Variants in CALN1 observed in about 807,000 individuals in gnomAD.
CALN1 encodes calneuron 1.
In CALN1, 17 loss-of-function variants were observed where a neutral mutation model predicts 30.6. That is an observed-to-expected ratio of 0.56 (90% CI 0.38 to 0.83). The LOEUF (loss-of-function observed/expected upper bound fraction) is 0.83, where lower values mean the gene tolerates loss of function less well. CALN1 is among the 40% of genes least tolerant of loss of function. The probability of loss-of-function intolerance (pLI) is 0.00; values close to 1 mark genes in which losing one functional copy is unlikely to be tolerated. For synonymous variants in CALN1, 156 were observed against 131.4 expected (o/e 1.19, Z -1.28); for missense variants, 291 against 354.9 (o/e 0.82, Z 1.45).
At chr7:72,044,680 C>G (rs1157385835) in intron 4 of CALN1, among the ~76,000 whole-genome samples, 2 of 142,074 alleles carry the variant, frequency 1.4e-5, no homozygotes, top group Non-Finnish European at 3.0e-5. Flanking sequence ...GATACAATCA[C>G]AGCTCATTGC....
chr7:72,244,791 G>A (rs768799463), intron 3 of CALN1, among the ~76,000 whole-genome samples: 2 of 152,040 alleles, frequency 1.3e-5, no homozygotes, highest in African/African-American at 4.8e-5. Context: ...TGGATAGAAA[G>A]AATGACTATT....
rs1003109696 is a variant in CALN1 at position 71,994,766 on chromosome 7, T to C, written c.501+28891A>G. 2.0e-5 allele frequency among the ~76,000 whole-genome samples: 3 copies of C among 151,936 alleles called. No homozygotes were observed. The East Asian group carries it at 5.8e-4, about 29-fold the overall frequency. On this transcript the variant is annotated intron_variant, in intron 5 of 6. Transcript: ENST00000395275. ...TTCATAGAGTAGCTTAAGGAGGTGG[T>C]GTCTGATTTACATAGAGGACGAAAG... is the stretch of plus-strand genomic sequence containing the variant.
At chr7:71,807,937 G>T (rs940532344) in intron 6 of CALN1, among the ~76,000 whole-genome samples, 2 of 152,112 alleles carry the variant, frequency 1.3e-5, no homozygotes, top group Non-Finnish European at 2.9e-5. Context: ...AGCCGGGCAT[G>T]GGGGTGGGCA....
At chr7:72,159,691 G>A (rs375504531) in intron 3 of CALN1, among the ~76,000 whole-genome samples, 6 of 151,464 alleles carry the variant, frequency 4.0e-5, no homozygotes, top group East Asian at 3.9e-4. Flanking sequence ...CCAGTTACTA[G>A]GGAGGCTGAG....
chr7:72,053,586 A>G (rs1188756452), intron 4 of CALN1, among the ~76,000 whole-genome samples: 1 of 151,984 alleles, frequency 6.6e-6, no homozygotes, highest in African/African-American at 2.4e-5. Context: ...TTTTTTTTTA[A>G]GATCTATGTA....
At chr7:72,231,614 C>T (rs1371815615) in intron 3 of CALN1, among the ~76,000 whole-genome samples, 2 of 152,158 alleles carry the variant, frequency 1.3e-5, no homozygotes, top group East Asian at 1.9e-4. Context: ...ATCTTTGTAA[C>T]AGAATGATAT....
At position 72,227,095 on chromosome 7, in the gene CALN1, G is replaced by A. The variant is rs147403967; in HGVS notation, c.244+51591C>T. 1.9e-3 allele frequency among the ~76,000 whole-genome samples: 296 copies of A among 152,110 alleles called. 1 individual carries two copies. Among genetic ancestry groups the A allele is most frequent in the African/African-American group, 6.4e-3 (265 of 41,488 alleles). The stretch of plus-strand genomic sequence containing the variant: ...AGACATTGGGGAAACAGGGATGGAC[G>A]GCAAGGGTTGAAAGACTACTTATTG... On this transcript the variant is annotated intron_variant, in intron 3 of 6. Transcript: ENST00000395275.
intron 2 of CALN1, among the ~76,000 whole-genome samples, chr7:72,325,039 C>G (rs997733327): frequency 6.6e-6 from 1 of 152,254 alleles, no homozygotes; most frequent in East Asian, 1.9e-4. Flanking sequence ...TGGCTCCTAC[C>G]TCTAATCCCA....
chr7:72,232,306 A>C lies in CALN1; in HGVS notation c.244+46380T>G, dbSNP rs529064082. On this transcript the variant is annotated intron_variant, in intron 3 of 6. Coordinates refer to ENST00000395275, the MANE Select transcript of CALN1 (RefSeq NM_031468.4). ...AGCCAAAAGTAATCCAGGTCCGGGA[A>C]GAAGACAACTAATTGAACAACTGCA... is the stretch of plus-strand genomic sequence containing the variant. 7.9e-5 allele frequency among the ~76,000 whole-genome samples: 12 copies of C among 152,350 alleles called. No individual in the cohort carries two copies. In the East Asian group the frequency reaches 2.3e-3, roughly 29 times the overall value.
At chr7:72,101,331 C>T (rs1806649895) in intron 4 of CALN1, among the ~76,000 whole-genome samples, 1 of 152,176 alleles carries the variant, frequency 6.6e-6, no homozygotes, top group African/African-American at 2.4e-5. Context: ...TAAGACTTTT[C>T]TTATTTCAAG....
chr7:72,407,283 T>C (rs1467971416), intron 1 of CALN1, among the ~76,000 whole-genome samples: 4 of 152,192 alleles, frequency 2.6e-5, no homozygotes, highest in East Asian at 3.9e-4. Context: ...ACCTACCTTT[T>C]AAAGTTATTG....
At chr7:72,137,857 G>C (rs562527397) in intron 3 of CALN1, among the ~76,000 whole-genome samples, 2 of 152,240 alleles carry the variant, frequency 1.3e-5, no homozygotes, top group South Asian at 2.1e-4. Flanking sequence ...ACAAATTTTA[G>C]TATAAATGAT....
intron 5 of CALN1, among the ~76,000 whole-genome samples, chr7:71,977,581 C>T (rs1264633151): frequency 2.0e-5 from 3 of 152,130 alleles, no homozygotes; most frequent in Non-Finnish European, 4.4e-5. Flanking sequence ...GTCTCATGGG[C>T]TATGGACACC....
intron 3 of CALN1, among the ~76,000 whole-genome samples, chr7:72,275,739 C>T (rs1250592006): frequency 2.0e-5 from 3 of 152,196 alleles, no homozygotes; most frequent in Admixed American, 6.5e-5. Flanking sequence ...TAGAATTACT[C>T]TCGCTAATCT....
At chr7:72,158,354 G>T (rs1165986733) in intron 3 of CALN1, among the ~76,000 whole-genome samples, 5 of 152,134 alleles carry the variant, frequency 3.3e-5, no homozygotes, top group African/African-American at 9.7e-5. Flanking sequence ...AGAGTAGGAG[G>T]CCCTGGCCGT....
chr7:72,451,218 G>A (rs34148197), upstream of CALN1, among the ~76,000 whole-genome samples: 19,221 of 126,422 alleles, frequency 0.15, 1,479 homozygotes, highest in Non-Finnish European at 0.18. Flanking sequence ...GAAGGAGGAG[G>A]AGGAGGAGGA....
At chr7:71,922,289 T>C (rs1794985604) in intron 5 of CALN1, among the ~76,000 whole-genome samples, 1 of 152,078 alleles carries the variant, frequency 6.6e-6, no homozygotes, top group South Asian at 2.1e-4. Context: ...CATGGCAATG[T>C]GCCTGTATAC....
chr7:72,049,054 C>T (rs1802667642), intron 4 of CALN1, among the ~76,000 whole-genome samples: 1 of 152,086 alleles, frequency 6.6e-6, no homozygotes, highest in Admixed American at 6.6e-5. Flanking sequence ...AGCAATCCTC[C>T]CACCTTGGCC....
chr7:72,282,598 C>T (rs1797803649), intron 2 of CALN1, among the ~76,000 whole-genome samples: 1 of 152,178 alleles, frequency 6.6e-6, no homozygotes, highest in African/African-American at 2.4e-5. Flanking sequence ...AAGGCAGCAT[C>T]CTGGAAGCAG....
Sources: allele counts gnomAD v4.1 joint callset (sites outside exome capture counted in the v4.1 genomes callset), GRCh38; gene constraint gnomAD v4.1.1; transcripts MANE v1.5; gene names NCBI Gene and HGNC (gene_info 2026-07-23, HGNC 2026-07-21).